The following HMGCLL1 variants were observed in gnomAD, a reference collection of about 807,000 sequenced individuals.
The protein encoded by HMGCLL1 is 3-hydroxymethyl-3-methylglutaryl-CoA lyase, cytoplasmic.
HMGCLL1 carries 36 observed loss-of-function variants against 39.1 expected under a neutral mutation model. The observed-to-expected ratio is 0.92, with a 90% CI of 0.71 to 1.22. The LOEUF (loss-of-function observed/expected upper bound fraction) is 1.22, where lower values mean the gene tolerates loss of function less well. Ranked by LOEUF, HMGCLL1 falls within the 50% of genes most tolerant of loss-of-function variation. The pLI is 0.00. For missense variants in HMGCLL1, 451 were observed against 416.5 expected, an observed-to-expected ratio of 1.08 and a Z score of -0.72; for synonymous variants, 149 against 144.0, an observed-to-expected ratio of 1.03 and a Z score of -0.25.
intron 7 of HMGCLL1, among the ~76,000 whole-genome samples, chr6:55,485,440 ATG>A (rs900595532): frequency 2.6e-4 from 39 of 150,836 alleles, no homozygotes; most frequent in Non-Finnish European, 1.2e-4. Context: ...AGCATTCAAG[ATG>A]TTTCTTAAAA....
At chr6:55,633,934 G>A in the HMGCLL1 span, among the ~76,000 whole-genome samples, 3 of 151,946 alleles carry the variant, frequency 2.0e-5, no homozygotes, top group Non-Finnish European at 4.4e-5. Flanking sequence ...GAATAAATTT[G>A]CAAATATAAA....
intron 7 of HMGCLL1, among the ~76,000 whole-genome samples, chr6:55,465,386 GA>G (rs2127399266): frequency 6.6e-6 from 1 of 152,062 alleles, no homozygotes; most frequent in East Asian, 1.9e-4. Context: ...AAATCAAAGA[GA>G]ATACATATTA....
chr6:55,446,857 C>T (rs1041065282), intron 7 of HMGCLL1, among the ~76,000 whole-genome samples: 3 of 151,618 alleles, frequency 2.0e-5, no homozygotes, highest in African/African-American at 7.3e-5. Flanking sequence ...ACTAAAGTCC[C>T]AAAAAACAAT....
the HMGCLL1 span, among the ~76,000 whole-genome samples, chr6:55,597,864 G>A: frequency 1.3e-5 from 2 of 152,050 alleles, no homozygotes; most frequent in Non-Finnish European, 2.9e-5. Flanking sequence ...GTAAGACAAA[G>A]AAATAGAGTT....
intron 1 of HMGCLL1, among the ~76,000 whole-genome samples, chr6:55,558,928 T>A (rs1770803451): frequency 1.3e-5 from 2 of 152,218 alleles, no homozygotes; most frequent in South Asian, 4.1e-4. Flanking sequence ...GCCAGGACTA[T>A]GATTTTGGTT....
chr6:55,613,100 A>C, the HMGCLL1 span, among the ~76,000 whole-genome samples: 2 of 152,202 alleles, frequency 1.3e-5, no homozygotes, highest in Non-Finnish European at 1.5e-5. Context: ...AAACAAATTC[A>C]CAAGAAAAAA....
At chr6:55,607,629 A>G in the HMGCLL1 span, among the ~76,000 whole-genome samples, 1 of 152,182 alleles carries the variant, frequency 6.6e-6, no homozygotes, top group Non-Finnish European at 1.5e-5. Flanking sequence ...GACAATGCCA[A>G]AGATCATTCT....
intron 1 of HMGCLL1, among the ~76,000 whole-genome samples, chr6:55,543,349 A>AATATGATATATTATATATTATATATATT (rs1769690251): frequency 1.3e-4 from 1 of 7,954 alleles, no homozygotes; most frequent in Non-Finnish European, 2.8e-4. Flanking sequence ...TATGATATAT[A>AATATGATATATTATATATTATATATATT]ATATGATATA....
Position 55,579,112 on chromosome 6 carries a change from C to T in HMGCLL1, c.-57G>A. The T allele has an allele frequency of 7.5e-7, 1 of 1,329,048 alleles. No individual in the cohort carries two copies. Among genetic ancestry groups the T allele is most frequent in the Non-Finnish European group, 1.1e-6 (1 of 941,966 alleles). 82.3% of individuals were successfully genotyped at this position (1,329,048 alleles called of 1,614,324 possible). The stretch of plus-strand genomic sequence containing the variant: ...AGGGAGACTGGAGGAGGATGAGGGG[C>T]GGGCACCGCGCTGGGAAACTGCGCC... On this transcript the variant is annotated 5_prime_UTR_variant, in exon 1 of 9. Transcript: ENST00000274901.
chr6:55,589,148 A>C, the HMGCLL1 span, among the ~76,000 whole-genome samples: 1 of 152,190 alleles, frequency 6.6e-6, no homozygotes, highest in African/African-American at 2.4e-5. Flanking sequence ...TCAATGCAAA[A>C]ATCCTCAATG....
At chr6:55,543,165 A>C (rs1488701782) in intron 1 of HMGCLL1, among the ~76,000 whole-genome samples, 2 of 8,264 alleles carry the variant, frequency 2.4e-4, no homozygotes, top group African/African-American at 5.2e-4. Flanking sequence ...TATTATATAT[A>C]TAATATATAA....
chr6:55,449,342 T>C (rs1200035185), intron 7 of HMGCLL1, among the ~76,000 whole-genome samples: 1 of 152,192 alleles, frequency 6.6e-6, no homozygotes, highest in African/African-American at 2.4e-5. Context: ...AGCATTCTTC[T>C]TCTTTAATAG....
intron 7 of HMGCLL1, among the ~76,000 whole-genome samples, chr6:55,443,024 T>C (rs1763671392): frequency 1.3e-5 from 1 of 77,512 alleles, no homozygotes; most frequent in African/African-American, 6.7e-5. Context: ...TGTCAACCCA[T>C]TGGAATCACC....
intron 3 of HMGCLL1, among the ~76,000 whole-genome samples, chr6:55,524,972 G>T (rs9475341): frequency 0.62 from 92,572 of 150,024 alleles, 28,949 homozygotes; most frequent in Admixed American, 0.69. Context: ...TTAATTAATA[G>T]TAATAGTAAT....
At chr6:55,629,202 A>C in the HMGCLL1 span, among the ~76,000 whole-genome samples, 3 of 152,202 alleles carry the variant, frequency 2.0e-5, no homozygotes, top group South Asian at 6.2e-4. Context: ...AGTAAAGTCC[A>C]GGCAGAGGTG....
chr6:55,539,150 G>A (rs1769198806), intron 3 of HMGCLL1, among the ~76,000 whole-genome samples: 1 of 152,128 alleles, frequency 6.6e-6, no homozygotes, highest in African/African-American at 2.4e-5. Flanking sequence ...TAATTTAGCA[G>A]TAGCTTCCAC....
rs1399060511 is a variant in HMGCLL1 at position 55,520,104 on chromosome 6, G to T, written c.298-3501C>A. ...CACACATCGGGGCCTGTCAGGGGGT[G>T]GGGGGCGGGGGGAGGGATAGCATTA... On this transcript the variant is annotated intron_variant, in intron 3 of 8. Transcript: ENST00000274901. Among the ~76,000 whole-genome samples, 3 of 126,476 alleles carry T rather than the reference G, an allele frequency of 2.4e-5. 1 individual carries two copies. In the East Asian group the frequency reaches 8.5e-4, roughly 36 times the overall value. 83.0% of individuals were successfully genotyped at this position (126,476 alleles called of 152,430 possible).
chr6:55,658,897 G>T, the HMGCLL1 span, among the ~76,000 whole-genome samples: 2,313 of 151,920 alleles, frequency 0.015, 64 homozygotes, highest in African/African-American at 0.052. Context: ...AAAGCACAGC[G>T]ACCCAGACTG....
At chr6:55,548,511 T>C (rs901041770) in intron 1 of HMGCLL1, among the ~76,000 whole-genome samples, 2 of 151,992 alleles carry the variant, frequency 1.3e-5, no homozygotes, top group African/African-American at 4.8e-5. Flanking sequence ...CAGATTGAAA[T>C]GTAGTAGAAA....
Sources: allele counts gnomAD v4.1 joint callset (sites outside exome capture counted in the v4.1 genomes callset), GRCh38; gene constraint gnomAD v4.1.1; transcripts MANE v1.5; gene names NCBI Gene and HGNC (gene_info 2026-07-23, HGNC 2026-07-21).